AGPAT2: variants seen among roughly 807,000 people sequenced by gnomAD.
AGPAT2 encodes the protein 1-acyl-sn-glycerol-3-phosphate acyltransferase beta.
A neutral mutation model predicts 26.1 loss-of-function variants in AGPAT2; 18 were observed. That is an observed-to-expected ratio of 0.69 (90% confidence interval 0.48 to 1.02). The LOEUF (loss-of-function observed/expected upper bound fraction) is 1.02. Ranked by LOEUF, AGPAT2 falls within the 50% of genes least tolerant of loss-of-function variation. AGPAT2 has a pLI of 0.00. For missense variants in AGPAT2, 415 were observed against 394.9 expected (o/e 1.05, Z -0.43); for synonymous variants, 200 against 174.2 (o/e 1.15, Z -1.16).
intron 4 of AGPAT2, among the ~76,000 whole-genome samples, chr9:136,676,152 C>T (rs1049316033): frequency 6.6e-6 from 1 of 152,228 alleles, no homozygotes; most frequent in Non-Finnish European, 1.5e-5. Flanking sequence ...GCTCCACCCA[C>T]CCTGAGCTCT....
At chr9:136,675,260 G>C (rs1252446463) in intron 4 of AGPAT2, among the ~76,000 whole-genome samples, 2 of 152,118 alleles carry the variant, frequency 1.3e-5, no homozygotes, top group Non-Finnish European at 2.9e-5. Context: ...AAGTCACCGG[G>C]GTCAAATCCA....
chr9:136,680,724 C>T lies in AGPAT2; in HGVS notation c.183-3168G>A, dbSNP rs11145827. Among the ~76,000 whole-genome samples the T allele has an allele frequency of 1.6e-3, 240 of 151,958 alleles. 1 individual carries two copies. The highest frequency in any genetic ancestry group is 3.5e-3 in the Admixed American group (54 of 15,258). ...TCTTGCTGTCACCTAGGCTGGAGTG[C>T]AGTGGCGAGATCTCAGCTCACTGCC... On this transcript the variant is annotated intron_variant, in intron 1 of 5. Transcript: ENST00000371696.
At chr9:136,678,737 T>A (rs577417950) in intron 1 of AGPAT2, among the ~76,000 whole-genome samples, 1 of 152,206 alleles carries the variant, frequency 6.6e-6, no homozygotes, top group African/African-American at 2.4e-5. Flanking sequence ...GGATTTTTGT[T>A]GTTTTAACAG....
rs1846044340 is a variant in AGPAT2 at position 136,673,766 on chromosome 9, G to A, written c.823C>T (p.Gln275Ter). 6 of 1,596,588 alleles carry A rather than the reference G, an allele frequency of 3.8e-6. No individual in the cohort carries two copies. The highest frequency in any genetic ancestry group is 1.7e-5 in the Admixed American group (1 of 58,084). ...ENGATAGSGVQPAQ is the reference protein window; with the variant it reads ...ENGATAGSGV Reference sequence around the variant, plus strand: ...CGTGGTCTGGGCTACTGGGCCGGCTGCACGCCAGACCCCGCAGTGGCCCCG... The same window carrying A: ...CGTGGTCTGGGCTACTGGGCCGGCTACACGCCAGACCCCGCAGTGGCCCCG... The change falls in exon 6 of 6, where the codon CAG becomes TAG. Residue 275 changes from glutamine to a stop codon, truncating the protein, a stop_gained. Coordinates refer to ENST00000371696, the MANE Select transcript of AGPAT2 (RefSeq NM_006412.4). LOFTEE classifies it high-confidence loss of function.
chr9:136,678,333 C>T (rs995727364), intron 1 of AGPAT2, among the ~76,000 whole-genome samples: 1 of 152,178 alleles, frequency 6.6e-6, no homozygotes, highest in East Asian at 1.9e-4. Context: ...CCAAGCAGCC[C>T]GTCATGGTTG....
rs755259665 is a variant in AGPAT2 at position 136,687,377 on chromosome 9, C to G, written c.-20G>C. On this transcript the variant is annotated 5_prime_UTR_variant, in exon 1 of 6. Transcript: ENST00000371696. ...CTCCATGGCCCGGCCCGGCGCCCGACGGCGCCGCCAGCTCGCTCCCGCTCC... is the reference window on the plus strand; with the variant it reads ...CTCCATGGCCCGGCCCGGCGCCCGAGGGCGCCGCCAGCTCGCTCCCGCTCC... The G allele has an allele frequency of 4.2e-6, 6 of 1,442,480 alleles. No homozygotes were observed. The highest frequency in any genetic ancestry group is 3.0e-5 in the East Asian group (1 of 33,756). 89.4% of individuals were successfully genotyped at this position (1,442,480 alleles called of 1,614,324 possible). A position where few individuals can be genotyped will look rare whatever the true frequency, so the allele number is the denominator to read the frequency against.
At chr9:136,683,496 G>T (rs1846187137) in intron 1 of AGPAT2, among the ~76,000 whole-genome samples, 1 of 152,156 alleles carries the variant, frequency 6.6e-6, no homozygotes, top group African/African-American at 2.4e-5. Context: ...CCCTCTGCTG[G>T]GGCTCGCTGG....
intron 1 of AGPAT2, among the ~76,000 whole-genome samples, chr9:136,680,472 C>T (rs1846145682): frequency 1.3e-5 from 2 of 151,840 alleles, no homozygotes; most frequent in Non-Finnish European, 2.9e-5. Context: ...GGTGATCCTC[C>T]CACCTCGGCC....
chr9:136,683,013 CG>C (rs1846180751), intron 1 of AGPAT2, among the ~76,000 whole-genome samples: 1 of 128,988 alleles, frequency 7.8e-6, no homozygotes. Context: ...GGGGCACCAT[CG>C]GGCCAGGGCA....
chr9:136,683,066 G>A (rs1171585232), intron 1 of AGPAT2, among the ~76,000 whole-genome samples: 3 of 150,912 alleles, frequency 2.0e-5, no homozygotes, highest in African/African-American at 7.3e-5. Flanking sequence ...TGACTAGGGG[G>A]TGGGGGGGAG....
At position 136,687,432 on chromosome 9, in the gene AGPAT2, C is replaced by A; in HGVS notation, c.-75G>T. 2.4e-6 allele frequency: 3 copies of A among 1,271,992 alleles called. No homozygotes were observed. In the South Asian group the frequency reaches 6.1e-5, roughly 26 times the overall value. 78.8% of individuals were successfully genotyped at this position (1,271,992 alleles called of 1,614,324 possible). ...CCCGCTTCTCCCCCGCGCGCTCAGG[C>A]CCCTTATTGCGAGGGCGGCGGGGCT... On this transcript the variant is annotated 5_prime_UTR_variant, in exon 1 of 6. Coordinates refer to ENST00000371696, the MANE Select transcript of AGPAT2 (RefSeq NM_006412.4).
intron 1 of AGPAT2, among the ~76,000 whole-genome samples, chr9:136,682,411 T>C (rs1185315289): frequency 1.3e-5 from 2 of 152,212 alleles, no homozygotes; most frequent in Non-Finnish European, 1.5e-5. Context: ...GACGAGGGGC[T>C]GCCCTGTCCT....
At chr9:136,684,446 C>A (rs1196300441) in intron 1 of AGPAT2, among the ~76,000 whole-genome samples, 4 of 152,200 alleles carry the variant, frequency 2.6e-5, no homozygotes, top group Admixed American at 1.3e-4. Context: ...AGCCCCAAGC[C>A]CGGTGGGAAC....
At position 136,687,198 on chromosome 9, in the gene AGPAT2, C is replaced by T. The variant is rs1846233626; in HGVS notation, c.160G>A (p.Gly54Ser). 3 of 1,588,536 alleles carry T rather than the reference C, an allele frequency of 1.9e-6. No individual in the cohort carries two copies. The highest frequency in any genetic ancestry group is 1.4e-5 in the African/African-American group (1 of 72,532). The change falls in exon 1 of 6, where the codon GGC becomes AGC. Residue 54 changes from glycine (G) to serine (S), a missense_variant. Physicochemically the swap from Gly to Ser is moderately conservative, Grantham distance 56 (BLOSUM62 0). Transcript: ENST00000371696. The stretch of plus-strand genomic sequence containing the variant: ...TGCCTCATGTTCTCCACCGTCCGGC[C>T]GCCGTGGCGCAGCAGGCAGACGAGC... ...ASLVCLLRHGGRTVENMSIIG... is the reference protein window; with the variant it reads ...ASLVCLLRHGSRTVENMSIIG...
At chr9:136,679,168 CCTCT>C (rs1158988137) in intron 1 of AGPAT2, among the ~76,000 whole-genome samples, 57 of 152,228 alleles carry the variant, frequency 3.7e-4, no homozygotes, top group African/African-American at 1.3e-3. Context: ...CCATCTCCTC[CCTCT>C]ATCTCCAGAA....
intron 1 of AGPAT2, among the ~76,000 whole-genome samples, chr9:136,678,282 G>A (rs112795698): frequency 6.6e-6 from 1 of 152,182 alleles, no homozygotes; most frequent in Non-Finnish European, 1.5e-5. Flanking sequence ...AGCCCACTGG[G>A]GGCTGCCCTT....
intron 1 of AGPAT2, 87 bp downstream of exon 1, chr9:136,687,089 C>A: frequency 1.4e-6 from 2 of 1,419,718 alleles, no homozygotes; most frequent in Non-Finnish European, 1.9e-6. Context: ...ACGGGCGGGG[C>A]AGGAAGGAGG....
chr9:136,679,589 G>A (rs188188518), intron 1 of AGPAT2, among the ~76,000 whole-genome samples: 51 of 152,268 alleles, frequency 3.3e-4, no homozygotes, highest in African/African-American at 7.2e-4. Context: ...CCAGCTTCCC[G>A]GACCCCTGTG....
intron 1 of AGPAT2, among the ~76,000 whole-genome samples, chr9:136,685,736 C>G (rs1846213564): frequency 1.3e-5 from 2 of 152,170 alleles, no homozygotes; most frequent in South Asian, 4.1e-4. Context: ...GCTGGGAAAG[C>G]CGCACCCTCG....
Sources: allele counts gnomAD v4.1 joint callset (sites outside exome capture counted in the v4.1 genomes callset), GRCh38; gene constraint gnomAD v4.1.1; transcripts MANE v1.5; gene names NCBI Gene and HGNC (gene_info 2026-07-23, HGNC 2026-07-21).